TENM2: variants seen among roughly 807,000 people sequenced by gnomAD.
The protein encoded by TENM2 is teneurin-2.
Under a neutral mutation model 245.2 loss-of-function variants are expected in TENM2, and 52 were observed. The observed-to-expected ratio is 0.21, with a 90% CI of 0.17 to 0.27. The LOEUF is 0.27. Ranked by LOEUF, TENM2 falls within the 10% of genes least tolerant of loss-of-function variation. The pLI, the probability that TENM2 is intolerant of heterozygous loss-of-function variation, is 1.00. For synonymous variants in TENM2, 1,363 were observed against 1,438.9 expected (o/e 0.95, Z 1.19); for missense variants, 3,046 against 3,666.8 (o/e 0.83, Z 4.37).
the TENM2 span, among the ~76,000 whole-genome samples, chr5:167,000,494 T>C: frequency 6.6e-6 from 1 of 152,142 alleles, no homozygotes; most frequent in East Asian, 1.9e-4. Flanking sequence ...CAAACTTACT[T>C]GTGTATTTGT....
intron 2 of TENM2, among the ~76,000 whole-genome samples, chr5:167,445,336 T>TAGAG (rs1554154174): frequency 0.02 from 1,544 of 77,134 alleles, 18 homozygotes; most frequent in Middle Eastern, 0.053. Context: ...TATATATATA[T>TAGAG]AGAGAGAGAG....
At chr5:168,142,743 G>C (rs981292564) in intron 12 of TENM2, among the ~76,000 whole-genome samples, 1 of 152,198 alleles carries the variant, frequency 6.6e-6, no homozygotes, top group Non-Finnish European at 1.5e-5. Context: ...TACTTCCCAA[G>C]AAATGTGGTC....
chr5:168,067,504 T>G (rs973346689), intron 7 of TENM2, among the ~76,000 whole-genome samples: 1 of 152,316 alleles, frequency 6.6e-6, no homozygotes, highest in South Asian at 2.1e-4. Context: ...CTAATGACAT[T>G]TTTTAAAAGC....
chr5:168,076,225 T>G (rs1177314738), intron 7 of TENM2, among the ~76,000 whole-genome samples: 1 of 101,204 alleles, frequency 9.9e-6, no homozygotes, highest in East Asian at 4.6e-4. Flanking sequence ...TTTATTTTAT[T>G]TTATTTTATT....
intron 19 of TENM2, 23 bp from the exon 22 acceptor site, chr5:168,211,711 C>A: frequency 7.8e-7 from 1 of 1,280,678 alleles, no homozygotes; most frequent in Admixed American, 2.4e-5. Context: ...TTCTTTTTTC[C>A]TTTCTGTTTT....
At chr5:167,288,763 C>T (rs1754465099) in intron 1 of TENM2, among the ~76,000 whole-genome samples, 1 of 152,078 alleles carries the variant, frequency 6.6e-6, no homozygotes, top group East Asian at 1.9e-4. Context: ...AGGTTGAAAA[C>T]ATGGAAAGAG....
intron 2 of TENM2, among the ~76,000 whole-genome samples, chr5:167,405,769 A>AAACAC (rs1554145973): frequency 6.0e-4 from 87 of 145,286 alleles, no homozygotes; most frequent in African/African-American, 2.1e-3. Context: ...CACACACACA[A>AAACAC]ACACACACAC....
chr5:167,078,297 A>T, the TENM2 span, among the ~76,000 whole-genome samples: 1 of 152,080 alleles, frequency 6.6e-6, no homozygotes, highest in Non-Finnish European at 1.5e-5. Context: ...CAGCCTGACC[A>T]ACATGGAGAA....
chr5:167,882,088 C>T (rs933288913), intron 3 of TENM2, among the ~76,000 whole-genome samples: 5 of 152,182 alleles, frequency 3.3e-5, no homozygotes, highest in African/African-American at 1.2e-4. Flanking sequence ...CTCCTCACTC[C>T]TCTGTTAACT....
intron 3 of TENM2, among the ~76,000 whole-genome samples, chr5:167,892,829 A>T (rs1345329308): frequency 6.6e-6 from 1 of 152,174 alleles, no homozygotes; most frequent in African/African-American, 2.4e-5. Flanking sequence ...TTCACCATTT[A>T]TAACACAGAG....
At chr5:167,633,548 T>C (rs1165242441) in intron 2 of TENM2, among the ~76,000 whole-genome samples, 1 of 152,204 alleles carries the variant, frequency 6.6e-6, no homozygotes, top group Non-Finnish European at 1.5e-5. Context: ...TAATTTTACT[T>C]CATAATATCA....
At chr5:167,035,910 T>G in the TENM2 span, among the ~76,000 whole-genome samples, 4 of 152,152 alleles carry the variant, frequency 2.6e-5, no homozygotes, top group East Asian at 7.8e-4. Flanking sequence ...GCCCAGATAA[T>G]TTTTGTATTA....
chr5:167,265,239 A>T, the TENM2 span, among the ~76,000 whole-genome samples: 8 of 148,960 alleles, frequency 5.4e-5, no homozygotes, highest in Non-Finnish European at 8.9e-5. Context: ...AGGCTGAGGC[A>T]GAGAATTGCT....
intron 2 of TENM2, among the ~76,000 whole-genome samples, chr5:167,789,075 G>T (rs1257769288): frequency 6.6e-6 from 1 of 152,110 alleles, no homozygotes; most frequent in East Asian, 2.0e-4. Context: ...ACTTAGCATT[G>T]CCTCCAATGC....
chr5:167,965,727 G>A (rs1342614853), intron 4 of TENM2: 1 of 152,086 alleles, frequency 6.6e-6, no homozygotes, highest in African/African-American at 2.4e-5. Flanking sequence ...AATCCCTTAA[G>A]CTCTTTGTTA....
intron 2 of TENM2, among the ~76,000 whole-genome samples, chr5:167,589,391 T>C (rs1460185123): frequency 6.6e-6 from 1 of 152,118 alleles, no homozygotes; most frequent in Non-Finnish European, 1.5e-5. Flanking sequence ...TGCATAACAC[T>C]AATAGTTTTA....
At chr5:167,697,953 A>C (rs1757877952) in intron 2 of TENM2, among the ~76,000 whole-genome samples, 1 of 152,224 alleles carries the variant, frequency 6.6e-6, no homozygotes, top group African/African-American at 2.4e-5. Flanking sequence ...CTTGAAATAT[A>C]ATCGCCTGAC....
chr5:167,297,098 A>G (rs753581360), intron 1 of TENM2, among the ~76,000 whole-genome samples: 4 of 152,210 alleles, frequency 2.6e-5, no homozygotes, highest in Non-Finnish European at 5.9e-5. Context: ...ATTTGAGTGC[A>G]AAAGGACATA....
chr5:167,289,466 TG>T (rs1161610649), intron 1 of TENM2, among the ~76,000 whole-genome samples: 1 of 152,120 alleles, frequency 6.6e-6, no homozygotes, highest in Non-Finnish European at 1.5e-5. Context: ...AAGAAAAAAT[TG>T]GGGGAAGATT....
Sources: gnomAD v4.1 joint callset for allele counts (sites outside exome capture counted in the v4.1 genomes callset) on GRCh38, gnomAD v4.1.1 for gene constraint, MANE v1.5 for transcripts, NCBI Gene and HGNC (gene_info 2026-07-23, HGNC 2026-07-21) for gene names.